CDH18: variants seen among roughly 807,000 people sequenced by gnomAD.
CDH18 encodes cadherin-18.
A neutral mutation model predicts 67.9 loss-of-function variants in CDH18; 31 were observed. The observed-to-expected ratio is 0.46, with a 90% confidence interval of 0.34 to 0.62. The LOEUF (loss-of-function observed/expected upper bound fraction) is 0.62. Ranked by LOEUF, CDH18 falls within the 20% of genes least tolerant of loss-of-function variation. The pLI, the probability that CDH18 is intolerant of heterozygous loss-of-function variation, is 0.01. For synonymous variants in CDH18, 362 were observed against 347.2 expected, an observed-to-expected ratio of 1.04 and a Z score of -0.48; for missense variants, 890 against 975.5, an observed-to-expected ratio of 0.91 and a Z score of 1.17.
chr5:20,419,015 C>A (rs1747590982), intron 1 of CDH18, among the ~76,000 whole-genome samples: 1 of 151,858 alleles, frequency 6.6e-6, no homozygotes, highest in Non-Finnish European at 1.5e-5. Flanking sequence ...GGCCGTGTCC[C>A]CATCCAAATT....
chr5:19,786,571 C>T lies in CDH18; in HGVS notation c.229-39335G>A, dbSNP rs370505264. 6.2e-4 allele frequency among the ~76,000 whole-genome samples: 95 copies of T among 152,126 alleles called. 1 individual carries two copies. Among genetic ancestry groups the T allele is most frequent in the African/African-American group, 2.2e-3 (93 of 41,496 alleles). On this transcript the variant is annotated intron_variant, in intron 3 of 12. Transcript: ENST00000382275. ...TCCTTGAATATACAGAGTACTATAC[C>T]TAAAAGATAAAAATAATATCATAGA...
At chr5:20,212,268 A>G (rs901669765) in intron 2 of CDH18, among the ~76,000 whole-genome samples, 1 of 152,126 alleles carries the variant, frequency 6.6e-6, no homozygotes, top group African/African-American at 2.4e-5. Flanking sequence ...TCCAAGAAAT[A>G]TGGGACTATG....
At chr5:19,525,676 A>T (rs1747652016) in intron 9 of CDH18, among the ~76,000 whole-genome samples, 1 of 152,170 alleles carries the variant, frequency 6.6e-6, no homozygotes, top group Non-Finnish European at 1.5e-5. Flanking sequence ...CTTTATAGCC[A>T]CTCACAGCCT....
At chr5:20,470,304 A>T (rs1751956068) in intron 1 of CDH18, among the ~76,000 whole-genome samples, 1 of 152,162 alleles carries the variant, frequency 6.6e-6, no homozygotes, top group South Asian at 2.1e-4. Context: ...TGACAAAGCC[A>T]TAACTCTAAA....
At chr5:19,821,866 C>CT (rs1208960072) in intron 3 of CDH18, among the ~76,000 whole-genome samples, 1 of 152,036 alleles carries the variant, frequency 6.6e-6, no homozygotes, top group African/African-American at 2.4e-5. Flanking sequence ...GCAAATTAAG[C>CT]TTCATAAGTA....
At chr5:19,886,873 T>C (rs921404467) in intron 2 of CDH18, among the ~76,000 whole-genome samples, 2 of 152,200 alleles carry the variant, frequency 1.3e-5, no homozygotes, top group African/African-American at 2.4e-5. Flanking sequence ...TGTGGATTCA[T>C]TCATTCATCA....
chr5:19,822,892 A>C (rs1194231584), intron 3 of CDH18, among the ~76,000 whole-genome samples: 1 of 152,044 alleles, frequency 6.6e-6, no homozygotes, highest in East Asian at 1.9e-4. Flanking sequence ...GCTATGGGAG[A>C]CTGGGGCTTA....
chr5:19,607,117 A>G (rs1748183175), intron 6 of CDH18, among the ~76,000 whole-genome samples: 1 of 151,694 alleles, frequency 6.6e-6, no homozygotes, highest in Admixed American at 6.6e-5. Context: ...TTTATATAGA[A>G]AAGCTGAGAA....
chr5:19,960,929 CATT>C (rs1796821624), intron 2 of CDH18, among the ~76,000 whole-genome samples: 1 of 150,796 alleles, frequency 6.6e-6, no homozygotes, highest in Non-Finnish European at 1.5e-5. Flanking sequence ...CATTATCAAG[CATT>C]ATGTAGTGTA....
chr5:20,362,776 A>G (rs1742189858), intron 1 of CDH18, among the ~76,000 whole-genome samples: 1 of 152,076 alleles, frequency 6.6e-6, no homozygotes, highest in African/African-American at 2.4e-5. Context: ...CTAAATCTTT[A>G]CCTTTAGCCC....
chr5:20,195,060 C>G (rs1378378931), intron 2 of CDH18, among the ~76,000 whole-genome samples: 1 of 152,010 alleles, frequency 6.6e-6, no homozygotes, highest in Non-Finnish European at 1.5e-5. Context: ...AACAGTATAA[C>G]TGCAAAGCTA....
chr5:20,343,643 T>C (rs1740453631), intron 1 of CDH18, among the ~76,000 whole-genome samples: 1 of 152,122 alleles, frequency 6.6e-6, no homozygotes, highest in Non-Finnish European at 1.5e-5. Flanking sequence ...AGCACACCTC[T>C]CTCACTGGAC....
At chr5:19,700,724 C>T (rs1371574523) in intron 5 of CDH18, among the ~76,000 whole-genome samples, 1 of 152,044 alleles carries the variant, frequency 6.6e-6, no homozygotes, top group African/African-American at 2.4e-5. Flanking sequence ...CAGTGGACTC[C>T]CAGGCTTGTA....
At chr5:19,766,506 T>C (rs1304184266) in intron 3 of CDH18, among the ~76,000 whole-genome samples, 2 of 152,152 alleles carry the variant, frequency 1.3e-5, no homozygotes, top group Non-Finnish European at 2.9e-5. Flanking sequence ...ATTACCTCTG[T>C]TCCTGTTCAT....
At chr5:20,485,889 A>C (rs1342058917) in intron 1 of CDH18, among the ~76,000 whole-genome samples, 1 of 152,194 alleles carries the variant, frequency 6.6e-6, no homozygotes, top group African/African-American at 2.4e-5. Flanking sequence ...AAACCAGGCT[A>C]TTTTGAAGTT....
chr5:19,670,308 A>G (rs1288401434), intron 5 of CDH18, among the ~76,000 whole-genome samples: 2 of 152,168 alleles, frequency 1.3e-5, no homozygotes, highest in East Asian at 3.9e-4. Flanking sequence ...TCATATGAAA[A>G]TTCTAAGCAA....
intron 8 of CDH18, among the ~76,000 whole-genome samples, chr5:19,559,781 T>C (rs1739106530): frequency 1.3e-5 from 2 of 151,914 alleles, no homozygotes; most frequent in South Asian, 4.1e-4. Flanking sequence ...TGCAAAAAGC[T>C]CCTAGAACTG....
chr5:20,504,047 A>T (rs1275210298), intron 1 of CDH18, among the ~76,000 whole-genome samples: 1 of 152,052 alleles, frequency 6.6e-6, no homozygotes, highest in African/African-American at 2.4e-5. Context: ...AGAAAAAAAA[A>T]AAAAGAGAGA....
chr5:20,297,391 A>G (rs1003082287), intron 1 of CDH18, among the ~76,000 whole-genome samples: 1 of 152,246 alleles, frequency 6.6e-6, no homozygotes. Context: ...TTTTGAATTC[A>G]GCAAGTCTGA....
Sources: gnomAD v4.1 joint callset for allele counts (sites outside exome capture counted in the v4.1 genomes callset) on GRCh38, gnomAD v4.1.1 for gene constraint, MANE v1.5 for transcripts, NCBI Gene and HGNC (gene_info 2026-07-23, HGNC 2026-07-21) for gene names.